The following FHIT variants were observed in gnomAD, a reference collection of about 807,000 sequenced individuals.
FHIT encodes the protein bis(5'-adenosyl)-triphosphatase.
FHIT carries 19 observed loss-of-function variants against 17.9 expected under a neutral mutation model. That is an observed-to-expected ratio of 1.06 (90% CI 0.74 to 1.56). The LOEUF is 1.56. Ranked by LOEUF, FHIT falls within the 40% of genes most tolerant of loss-of-function variation. FHIT has a pLI of 0.00. For synonymous variants in FHIT, 81 were observed against 69.7 expected, an observed-to-expected ratio of 1.16 and a Z score of -0.81; for missense variants, 248 against 189.2, an observed-to-expected ratio of 1.31 and a Z score of -1.82.
chr3:59,926,115 C>A (rs191876866), intron 7 of FHIT, among the ~76,000 whole-genome samples: 1 of 152,154 alleles, frequency 6.6e-6, no homozygotes. Flanking sequence ...ATGACACATT[C>A]CACACCAAAA....
intron 7 of FHIT, among the ~76,000 whole-genome samples, chr3:59,974,308 A>T (rs1364885530): frequency 1.3e-5 from 2 of 152,188 alleles, no homozygotes; most frequent in African/African-American, 4.8e-5. Context: ...TCGTACAGTA[A>T]GTCCAGGAGT....
At chr3:60,612,653 A>G (rs2038821739) in intron 4 of FHIT, among the ~76,000 whole-genome samples, 1 of 152,172 alleles carries the variant, frequency 6.6e-6, no homozygotes, top group Admixed American at 6.5e-5. Context: ...AGTTAGTTAA[A>G]TTTCAGAATT....
intron 4 of FHIT, among the ~76,000 whole-genome samples, chr3:60,613,659 C>T (rs1457498486): frequency 1.3e-5 from 2 of 151,946 alleles, no homozygotes; most frequent in African/African-American, 4.8e-5. Flanking sequence ...CTTTAACTTC[C>T]ATTTCTTTCT....
intron 3 of FHIT, among the ~76,000 whole-genome samples, chr3:60,905,059 T>C (rs1706333875): frequency 6.6e-6 from 1 of 152,078 alleles, no homozygotes; most frequent in East Asian, 1.9e-4. Flanking sequence ...TAATTTTACT[T>C]ATAATAAGAG....
intron 8 of FHIT, among the ~76,000 whole-genome samples, chr3:59,921,162 C>G (rs2107186800): frequency 6.6e-6 from 1 of 152,288 alleles, no homozygotes; most frequent in South Asian, 2.1e-4. Flanking sequence ...GCAGAATAAC[C>G]AGCCACCTCA....
At chr3:60,956,878 G>T (rs923202968) in intron 3 of FHIT, among the ~76,000 whole-genome samples, 5 of 151,770 alleles carry the variant, frequency 3.3e-5, no homozygotes, top group African/African-American at 1.2e-4. Flanking sequence ...TACTGTCAGC[G>T]TCCTACAAAA....
At chr3:60,440,583 C>T (rs535052213) in intron 5 of FHIT, among the ~76,000 whole-genome samples, 7 of 152,164 alleles carry the variant, frequency 4.6e-5, no homozygotes, top group African/African-American at 9.6e-5. Flanking sequence ...GGAACCTCAG[C>T]GTTAAAAACT....
chr3:60,160,471 T>G (rs1195631732), intron 5 of FHIT, among the ~76,000 whole-genome samples: 1 of 152,206 alleles, frequency 6.6e-6, no homozygotes, highest in East Asian at 1.9e-4. Flanking sequence ...TCTTTTTTGT[T>G]GTTGTTCTAA....
At chr3:59,968,935 C>T (rs968085644) in intron 7 of FHIT, among the ~76,000 whole-genome samples, 2 of 152,158 alleles carry the variant, frequency 1.3e-5, no homozygotes, top group East Asian at 3.9e-4. Flanking sequence ...GCAACATTTC[C>T]CACACATTCT....
At chr3:60,341,616 G>T (rs1301953591) in intron 5 of FHIT, among the ~76,000 whole-genome samples, 3 of 152,008 alleles carry the variant, frequency 2.0e-5, no homozygotes, top group African/African-American at 7.3e-5. Context: ...TTAATAGACT[G>T]AAGGTAGGAA....
chr3:60,995,743 C>A (rs2107593000), intron 3 of FHIT, among the ~76,000 whole-genome samples: 1 of 152,296 alleles, frequency 6.6e-6, no homozygotes, highest in South Asian at 2.1e-4. Flanking sequence ...AGCTACTACC[C>A]ATTTTGGTTA....
chr3:60,997,273 G>A (rs1221826038), intron 3 of FHIT, among the ~76,000 whole-genome samples: 1 of 152,242 alleles, frequency 6.6e-6, no homozygotes, highest in African/African-American at 2.4e-5. Flanking sequence ...AAACCAGGGA[G>A]AAGGTGCACC....
intron 8 of FHIT, among the ~76,000 whole-genome samples, chr3:59,805,306 A>C (rs1469723397): frequency 6.6e-6 from 1 of 152,180 alleles, no homozygotes; most frequent in Non-Finnish European, 1.5e-5. Flanking sequence ...CTGCATTTTA[A>C]AGATAAAAGT....
At chr3:60,214,856 G>A (rs1166888141) in intron 5 of FHIT, among the ~76,000 whole-genome samples, 1 of 152,116 alleles carries the variant, frequency 6.6e-6, no homozygotes, top group East Asian at 1.9e-4. Flanking sequence ...ATGAAATTAT[G>A]TCCTTTGCAG....
At chr3:60,071,482 C>T (rs1273994907) in intron 5 of FHIT, among the ~76,000 whole-genome samples, 1 of 152,158 alleles carries the variant, frequency 6.6e-6, no homozygotes, top group Non-Finnish European at 1.5e-5. Flanking sequence ...ATTTCCCCCA[C>T]TTCTGAGGCT....
chr3:60,418,385 T>C, intron 5 of FHIT, among the ~76,000 whole-genome samples: 1 of 13,326 alleles, frequency 7.5e-5, no homozygotes. Flanking sequence ...TGTATATATA[T>C]ATATATATAT....
intron 3 of FHIT, among the ~76,000 whole-genome samples, chr3:60,990,232 C>T (rs1170135694): frequency 6.6e-6 from 1 of 152,168 alleles, no homozygotes; most frequent in East Asian, 1.9e-4. Flanking sequence ...TAAAAACTTC[C>T]TACCAAATCC....
At chr3:60,135,216 C>A (rs1699765643) in intron 5 of FHIT, among the ~76,000 whole-genome samples, 1 of 152,088 alleles carries the variant, frequency 6.6e-6, no homozygotes, top group Non-Finnish European at 1.5e-5. Flanking sequence ...TTACCAGGGT[C>A]ACATACAAAC....
At chr3:60,732,148 T>A (rs2042042922) in intron 4 of FHIT, 1 of 774,394 alleles carries the variant, frequency 1.3e-6, no homozygotes, top group Middle Eastern at 4.0e-4. Flanking sequence ...TCAAACTTAG[T>A]AGAGCTGTCC....
Sources: allele counts gnomAD v4.1 joint callset (sites outside exome capture counted in the v4.1 genomes callset), GRCh38; gene constraint gnomAD v4.1.1; transcripts MANE v1.5; gene names NCBI Gene and HGNC (gene_info 2026-07-23, HGNC 2026-07-21).